The following NAALADL2 variants were observed in gnomAD, a reference collection of about 807,000 sequenced individuals.
NAALADL2 encodes inactive N-acetylated-alpha-linked acidic dipeptidase-like protein 2.
A neutral mutation model predicts 87.2 loss-of-function variants in NAALADL2; 76 were observed. That is an observed-to-expected ratio of 0.87 (90% confidence interval 0.72 to 1.05). The LOEUF is 1.05. Among genes scored for constraint, NAALADL2 ranks in the 50% least tolerant of loss-of-function variants. The pLI is 0.00. For missense variants in NAALADL2, 1,089 were observed against 945.8 expected, an observed-to-expected ratio of 1.15 and a Z score of -1.99; for synonymous variants, 354 against 331.0, an observed-to-expected ratio of 1.07 and a Z score of -0.75.
intron 10 of NAALADL2, among the ~76,000 whole-genome samples, chr3:175,604,298 A>ATTT (rs33971019): frequency 5.3e-4 from 44 of 83,536 alleles, no homozygotes; most frequent in African/African-American, 1.4e-3. Context: ...TGACATTGAA[A>ATTT]TTTTTTTTTT....
At chr3:175,159,094 C>T (rs899189615) in intron 2 of NAALADL2, among the ~76,000 whole-genome samples, 1 of 151,998 alleles carries the variant, frequency 6.6e-6, no homozygotes, top group African/African-American at 2.4e-5. Context: ...CCAACAAAAG[C>T]ATATAAATTC....
At chr3:174,952,330 T>A (rs1040166395) in intron 1 of NAALADL2, among the ~76,000 whole-genome samples, 21 of 152,180 alleles carry the variant, frequency 1.4e-4, no homozygotes, top group Non-Finnish European at 2.5e-4. Context: ...CCTTCGTGAC[T>A]CTTTTAACAT....
intron 2 of NAALADL2, among the ~76,000 whole-genome samples, chr3:174,629,143 G>A (rs1384472098): frequency 1.3e-5 from 2 of 152,160 alleles, no homozygotes; most frequent in East Asian, 3.8e-4. Context: ...ATGTACAGAT[G>A]AGGCAATTAC....
Position 175,136,579 on chromosome 3 carries a change from T to C in NAALADL2, c.545+39288T>C, listed in dbSNP as rs546654853. Among the ~76,000 whole-genome samples the C allele has an allele frequency of 3.3e-5, 5 of 152,278 alleles. No homozygotes were observed. In the South Asian group the frequency reaches 1.0e-3, roughly 32 times the overall value. Reference sequence around the variant, plus strand: ...TTTAAGCCATTTAATATTGCAGACATTGTGATGCAAATTTTTATAAGCATG... The same window carrying C: ...TTTAAGCCATTTAATATTGCAGACACTGTGATGCAAATTTTTATAAGCATG... On this transcript the variant is annotated intron_variant, in intron 2 of 13. Transcript: ENST00000454872.
intron 1 of NAALADL2, among the ~76,000 whole-genome samples, chr3:174,530,391 C>A (rs928345437): frequency 3.3e-5 from 5 of 152,104 alleles, no homozygotes; most frequent in Admixed American, 6.6e-5. Context: ...AGGGAGCTCC[C>A]AACTTTCCCA....
intron 2 of NAALADL2, among the ~76,000 whole-genome samples, chr3:174,618,268 G>C: frequency 6.6e-6 from 1 of 151,628 alleles, no homozygotes; most frequent in Non-Finnish European, 1.5e-5. Flanking sequence ...TCCACTTTTA[G>C]TAAGTTGCTA....
At chr3:174,658,315 G>C (rs1041564672) in intron 2 of NAALADL2, among the ~76,000 whole-genome samples, 1 of 152,036 alleles carries the variant, frequency 6.6e-6, no homozygotes, top group Non-Finnish European at 1.5e-5. Flanking sequence ...CATCATTCTA[G>C]TGATGTATAG....
intron 4 of NAALADL2, among the ~76,000 whole-genome samples, chr3:175,293,578 G>A (rs1255715927): frequency 2.0e-5 from 3 of 152,116 alleles, no homozygotes; most frequent in Non-Finnish European, 4.4e-5. Flanking sequence ...CAAGATGATA[G>A]TCTTAAAGGT....
chr3:175,743,417 C>T (rs1286123261), intron 12 of NAALADL2, among the ~76,000 whole-genome samples: 1 of 152,130 alleles, frequency 6.6e-6, no homozygotes, highest in Non-Finnish European at 1.5e-5. Context: ...ATAGGGTGTC[C>T]TGAACCCCAT....
chr3:174,766,554 A>G (rs900144079), intron 3 of NAALADL2, among the ~76,000 whole-genome samples: 1 of 152,214 alleles, frequency 6.6e-6, no homozygotes, highest in Non-Finnish European at 1.5e-5. Context: ...ACCTTCTTCA[A>G]AAGAGCCTTA....
chr3:175,622,360 A>G (rs1265393008), intron 10 of NAALADL2, among the ~76,000 whole-genome samples: 1 of 152,142 alleles, frequency 6.6e-6, no homozygotes, highest in African/African-American at 2.4e-5. Flanking sequence ...CTATCACTTA[A>G]TTGATATACG....
intron 2 of NAALADL2, among the ~76,000 whole-genome samples, chr3:174,690,648 G>C (rs1012783875): frequency 6.6e-6 from 1 of 152,058 alleles, no homozygotes; most frequent in East Asian, 1.9e-4. Flanking sequence ...TATGAAATGC[G>C]AGTGACAAAG....
intron 4 of NAALADL2, among the ~76,000 whole-genome samples, chr3:175,276,862 C>T (rs1753676792): frequency 1.3e-5 from 2 of 151,728 alleles, no homozygotes; most frequent in African/African-American, 4.8e-5. Context: ...CCCATTATTC[C>T]CCAACTCACT....
rs527842723 is a variant in NAALADL2, at chr3:175,581,441, C to CTAAATAAA, written c.1800+5267_1800+5274dup. Among the ~76,000 whole-genome samples the CTAAATAAA allele has an allele frequency of 4.4e-4, 67 of 152,116 alleles. 1 individual carries two copies. In the East Asian group the frequency reaches 0.012, roughly 27 times the overall value. ...TGGGGGACAGCGTGAGACTCTGTCT[C>CTAAATAAA]TAAATAAATAAATAAATAAAGCCTG... is the stretch of plus-strand genomic sequence containing the variant. On this transcript the variant is annotated intron_variant, in intron 10 of 13. Transcript: ENST00000454872.
At chr3:174,695,222 TATC>T (rs1408348611) in intron 2 of NAALADL2, among the ~76,000 whole-genome samples, 1 of 152,044 alleles carries the variant, frequency 6.6e-6, no homozygotes, top group African/African-American at 2.4e-5. Context: ...AGTCCTTAGT[TATC>T]ATGTGTCGAG....
chr3:175,458,966 T>C (rs1229671768), intron 6 of NAALADL2, among the ~76,000 whole-genome samples: 1 of 152,114 alleles, frequency 6.6e-6, no homozygotes, highest in African/African-American at 2.4e-5. Context: ...GTAGTTGCTT[T>C]CTTCCTCATA....
intron 11 of NAALADL2, among the ~76,000 whole-genome samples, chr3:175,656,604 A>C (rs1327076249): frequency 6.6e-6 from 1 of 152,124 alleles, no homozygotes; most frequent in Non-Finnish European, 1.5e-5. Flanking sequence ...TTTTTTTAAA[A>C]GATAATATCT....
At chr3:174,504,793 G>A (rs546132213) in intron 1 of NAALADL2, among the ~76,000 whole-genome samples, 2 of 152,102 alleles carry the variant, frequency 1.3e-5, no homozygotes, top group African/African-American at 4.8e-5. Flanking sequence ...AAACATAGTT[G>A]CCACCTGTTT....
At chr3:174,521,004 TAAA>T (rs538580463) in intron 1 of NAALADL2, among the ~76,000 whole-genome samples, 2 of 151,340 alleles carry the variant, frequency 1.3e-5, no homozygotes, top group Admixed American at 6.6e-5. Flanking sequence ...TATTAAAAAA[TAAA>T]AAAAACAGGT....
Sources: allele counts gnomAD v4.1 joint callset (sites outside exome capture counted in the v4.1 genomes callset), GRCh38; gene constraint gnomAD v4.1.1; transcripts MANE v1.5; gene names NCBI Gene and HGNC (gene_info 2026-07-23, HGNC 2026-07-21).